The following MRPL3 variants were observed in gnomAD, a reference collection of about 807,000 sequenced individuals.
MRPL3 encodes the protein mitochondrial ribosomal protein L3, also known as large ribosomal subunit protein uL3m.
In MRPL3, 43 loss-of-function variants were observed where a neutral mutation model predicts 44.3. That is an observed-to-expected ratio of 0.97 (90% CI 0.76 to 1.25). The LOEUF is 1.25. MRPL3 is among the 50% of genes most tolerant of loss of function. MRPL3 has a pLI of 0.00. For missense variants in MRPL3, 406 were observed against 427.6 expected (o/e 0.95, Z 0.45); for synonymous variants, 171 against 152.3 (o/e 1.12, Z -0.91).
chr3:131,490,438 T>C (rs1037961792), intron 4 of MRPL3, among the ~76,000 whole-genome samples: 12 of 152,212 alleles, frequency 7.9e-5, no homozygotes, highest in Admixed American at 2.0e-4. Flanking sequence ...CAACTCTGCC[T>C]ATTCTGCACT....
chr3:131,488,061 C>T (rs2306740), intron 5 of MRPL3, among the ~76,000 whole-genome samples: 113,070 of 152,084 alleles, frequency 0.74, 43,385 homozygotes, highest in African/African-American at 0.92. Flanking sequence ...TGTTTCTTGT[C>T]TTCACATTGG....
chr3:131,500,293 T>A, intron 3 of MRPL3, 137 bp downstream of exon 3: 1 of 655,936 alleles, frequency 1.5e-6, no homozygotes, highest in Non-Finnish European at 2.6e-6. Context: ...AGTTCTTTAA[T>A]ACTATTTATG....
chr3:131,493,254 T>C (rs1444338293), intron 4 of MRPL3, among the ~76,000 whole-genome samples: 1 of 152,200 alleles, frequency 6.6e-6, no homozygotes, highest in African/African-American at 2.4e-5. Flanking sequence ...GTTCGTTTTA[T>C]TCTGGTGAAA....
At chr3:131,501,857 C>T in intron 1 of MRPL3, 142 bp from the exon 2 acceptor site, 1 of 1,552,324 alleles carries the variant, frequency 6.4e-7, no homozygotes. Context: ...TTTTTCAGGT[C>T]TCCAACCTTT....
At chr3:131,476,007 T>C (rs1933845107) in intron 6 of MRPL3, among the ~76,000 whole-genome samples, 1 of 152,194 alleles carries the variant, frequency 6.6e-6, no homozygotes. Flanking sequence ...TCTGTGTTCT[T>C]AAAACTGATG....
At chr3:131,501,073 G>C (rs551029973) in intron 2 of MRPL3, among the ~76,000 whole-genome samples, 3 of 152,284 alleles carry the variant, frequency 2.0e-5, no homozygotes, top group South Asian at 2.1e-4. Flanking sequence ...ACACTTAATA[G>C]AAAAGGCCTT....
intron 5 of MRPL3, among the ~76,000 whole-genome samples, chr3:131,488,048 A>G (rs149918674): frequency 4.6e-5 from 7 of 152,326 alleles, no homozygotes; most frequent in African/African-American, 1.4e-4. Flanking sequence ...CTAAATTAAG[A>G]TATGTTTCTT....
chr3:131,470,770 T>G (rs1163315261), intron 7 of MRPL3, among the ~76,000 whole-genome samples: 1 of 152,142 alleles, frequency 6.6e-6, no homozygotes, highest in African/African-American at 2.4e-5. Context: ...TTTTCATACT[T>G]TAACGCCCTT....
At chr3:131,474,058 A>G (rs1348933684) in intron 6 of MRPL3, among the ~76,000 whole-genome samples, 1 of 152,206 alleles carries the variant, frequency 6.6e-6, no homozygotes, top group East Asian at 1.9e-4. Flanking sequence ...ACTATGGGGT[A>G]GATATCCAAA....
intron 4 of MRPL3, 42 bp downstream of exon 4, chr3:131,498,137 G>A (rs375690644): frequency 7.8e-7 from 1 of 1,279,640 alleles, no homozygotes; most frequent in Non-Finnish European, 1.1e-6. Context: ...ATTTGAAACT[G>A]ATGAAAAATG....
chr3:131,469,805 A>G, intron 7 of MRPL3, 32 bp from the exon 8 acceptor site: 4 of 1,429,114 alleles, frequency 2.8e-6, no homozygotes, highest in Non-Finnish European at 3.9e-6. Flanking sequence ...AACACTTTTA[A>G]GTACTATCAA....
chr3:131,491,106 A>G (rs983323718), intron 4 of MRPL3, among the ~76,000 whole-genome samples: 3 of 152,134 alleles, frequency 2.0e-5, no homozygotes, highest in Non-Finnish European at 4.4e-5. Context: ...TTGACCACAT[A>G]TTCTTTAGCT....
At chr3:131,472,235 C>T (rs1175209912) in intron 6 of MRPL3, among the ~76,000 whole-genome samples, 1 of 152,074 alleles carries the variant, frequency 6.6e-6, no homozygotes, top group Non-Finnish European at 1.5e-5. Context: ...TAGAAGATAT[C>T]AGAAGGATCT....
chr3:131,482,003 G>C (rs966675587), intron 6 of MRPL3, among the ~76,000 whole-genome samples: 2 of 152,166 alleles, frequency 1.3e-5, no homozygotes, highest in African/African-American at 4.8e-5. Context: ...ACAGTATGTA[G>C]ACACTCTTCA....
At chr3:131,486,974 A>C (rs1559825829) in intron 6 of MRPL3, among the ~76,000 whole-genome samples, 1 of 152,210 alleles carries the variant, frequency 6.6e-6, no homozygotes, top group Non-Finnish European at 1.5e-5. Flanking sequence ...AAGGATTATA[A>C]ATCATGCTAC....
intron 6 of MRPL3, among the ~76,000 whole-genome samples, chr3:131,477,044 A>G (rs2110700498): frequency 6.6e-6 from 1 of 152,342 alleles, no homozygotes. Flanking sequence ...ATAAATCTCT[A>G]GAGATTCTTA....
chr3:131,495,452 GAAGA>G (rs1161426016), intron 4 of MRPL3, among the ~76,000 whole-genome samples: 17 of 152,060 alleles, frequency 1.1e-4, no homozygotes, highest in Admixed American at 8.5e-4. Flanking sequence ...TTTATATCTT[GAAGA>G]AAGAAGGTCC....
intron 1 of MRPL3, 182 bp from the exon 2 acceptor site, chr3:131,501,897 G>C (rs1164425952): frequency 1.3e-6 from 2 of 1,537,512 alleles, no homozygotes; most frequent in Admixed American, 3.9e-5. Flanking sequence ...TTCGGATAAG[G>C]CTCACATTTA....
At position 131,501,676 on chromosome 3, in the gene MRPL3, CT is replaced by C; in HGVS notation, c.131del (p.Lys44ArgfsTer30). ...IWLFVRGLHG[K>X]SGTWWDEHLS... ...GATGCTCATCCCACCATGTACCACT[CT>C]TTCCATGAAGACCTCTAACAAAAAG... On this transcript the variant is annotated frameshift_variant, in exon 2 of 10. Coordinates refer to ENST00000264995, the MANE Select transcript of MRPL3 (RefSeq NM_007208.4). LOFTEE classifies it high-confidence loss of function. The C allele has an allele frequency of 6.2e-7, 1 of 1,613,950 alleles. No individual in the cohort carries two copies.
Sources: gnomAD v4.1 joint callset for allele counts (sites outside exome capture counted in the v4.1 genomes callset) on GRCh38, gnomAD v4.1.1 for gene constraint, MANE v1.5 for transcripts, NCBI Gene and HGNC (gene_info 2026-07-23, HGNC 2026-07-21) for gene names.